The following SPRY3 variants were observed in gnomAD, a reference collection of about 807,000 sequenced individuals.
The protein encoded by SPRY3 is protein sprouty homolog 3.
A neutral mutation model predicts 20.2 loss-of-function variants in SPRY3; 15 were observed. The ratio of observed to expected loss-of-function variants is 0.74; its 90% CI spans 0.50 to 1.14. The LOEUF is 1.14. SPRY3 is among the 50% of genes most tolerant of loss of function. The probability of loss-of-function intolerance (pLI) is 0.00; values close to 1 mark genes in which losing one functional copy is unlikely to be tolerated. For missense variants in SPRY3, 364 were observed against 363.9 expected, an observed-to-expected ratio of 1.00 and a Z score of 0.00; for synonymous variants, 143 against 136.5, an observed-to-expected ratio of 1.05 and a Z score of -0.33.
chrX:155,778,225 G>A (rs1486808807), downstream of SPRY3: 3 of 167,064 alleles, frequency 1.8e-5, no homozygotes, highest in Non-Finnish European at 2.9e-5. Flanking sequence ...CCATTCTGGA[G>A]TAACAAGCCT....
intron 2 of SPRY3, among the ~76,000 whole-genome samples, chrX:155,723,405 T>C (rs1464795004): frequency 6.6e-6 from 1 of 152,198 alleles, no homozygotes; most frequent in Admixed American, 6.5e-5. Context: ...ACCAACAGTA[T>C]AAAAGCATTC....
chrX:155,691,663 G>A (rs2068102118), intron 2 of SPRY3, among the ~76,000 whole-genome samples: 1 of 87,438 alleles, frequency 1.1e-5, no homozygotes, highest in Admixed American at 1.2e-4. Flanking sequence ...AACTATTATG[G>A]ATATTAGTTG....
At chrX:155,707,776 C>T (rs2090961565) in intron 2 of SPRY3, among the ~76,000 whole-genome samples, 1 of 150,948 alleles carries the variant, frequency 6.6e-6, no homozygotes, top group African/African-American at 2.4e-5. Flanking sequence ...TGTATTTTTC[C>T]ATCCTTTTAC....
chrX:155,663,769 G>C (rs1324479848), intron 2 of SPRY3, among the ~76,000 whole-genome samples: 1 of 110,620 alleles, frequency 9.0e-6, no homozygotes, highest in African/African-American at 3.3e-5. Flanking sequence ...GAGATTCTGA[G>C]GTATGCTAAA....
chrX:155,740,991 A>G (rs775101462), intron 2 of SPRY3, among the ~76,000 whole-genome samples: 31 of 152,252 alleles, frequency 2.0e-4, no homozygotes, highest in Non-Finnish European at 4.1e-4. Flanking sequence ...CACTTATGGA[A>G]AATAGAAAGA....
At chrX:155,768,472 A>C (rs2091360236) in intron 3 of SPRY3, among the ~76,000 whole-genome samples, 1 of 152,086 alleles carries the variant, frequency 6.6e-6, no homozygotes. Context: ...AACGCAGCCT[A>C]ACCACCCAAG....
At chrX:155,748,028 C>T (rs2091237726) in intron 2 of SPRY3, among the ~76,000 whole-genome samples, 1 of 151,872 alleles carries the variant, frequency 6.6e-6, no homozygotes. Flanking sequence ...TGGTAACAAA[C>T]AGTTTTGGAA....
At chrX:155,724,880 C>T (rs1390816287) in intron 2 of SPRY3, among the ~76,000 whole-genome samples, 4 of 152,144 alleles carry the variant, frequency 2.6e-5, no homozygotes, top group African/African-American at 4.8e-5. Context: ...TGAGAGAGGG[C>T]GTCCTTGTCT....
chrX:155,753,787 C>T (rs988774883), intron 2 of SPRY3, among the ~76,000 whole-genome samples: 1 of 151,956 alleles, frequency 6.6e-6, no homozygotes, highest in African/African-American at 2.4e-5. Context: ...TTTGGCCATT[C>T]TAGTGGGTAT....
intron 3 of SPRY3, among the ~76,000 whole-genome samples, chrX:155,770,919 G>T (rs1478214167): frequency 1.3e-5 from 2 of 152,010 alleles, no homozygotes; most frequent in Non-Finnish European, 2.9e-5. Flanking sequence ...ACAATTTATT[G>T]TCATTCAATC....
chrX:155,741,919 A>G (rs1414202270), intron 2 of SPRY3, among the ~76,000 whole-genome samples: 1 of 152,198 alleles, frequency 6.6e-6, no homozygotes, highest in Non-Finnish European at 1.5e-5. Context: ...CAGTGACACT[A>G]TGAAGCAACT....
intron 2 of SPRY3, among the ~76,000 whole-genome samples, chrX:155,660,785 C>CT (rs111299450): frequency 0.053 from 5,309 of 99,967 alleles, 331 homozygotes; most frequent in African/African-American, 0.18. Context: ...CCTTCTTTGT[C>CT]TTTTTTTTTT....
intron 2 of SPRY3, among the ~76,000 whole-genome samples, chrX:155,706,094 A>G (rs756550646): frequency 6.6e-6 from 1 of 151,292 alleles, no homozygotes; most frequent in Admixed American, 6.6e-5. Flanking sequence ...ATATTCACCA[A>G]TGTAGACCAT....
intron 2 of SPRY3, among the ~76,000 whole-genome samples, chrX:155,695,666 T>C (rs1440519114): frequency 9.0e-6 from 1 of 111,204 alleles, no homozygotes; most frequent in African/African-American, 3.3e-5. Context: ...TTTTTCCTTC[T>C]CATTTTCAGG....
chrX:155,776,572 T>A (rs1178565593), exon 4 of SPRY3: 1 of 167,098 alleles, frequency 6.0e-6, no homozygotes, highest in Non-Finnish European at 1.5e-5. Context: ...TTTCCCTCTA[T>A]AAGTGAATCC....
intron 1 of SPRY3, among the ~76,000 whole-genome samples, chrX:155,644,987 C>A (rs2067953205): frequency 9.1e-6 from 1 of 110,381 alleles, no homozygotes. Flanking sequence ...TCACCCAATG[C>A]CCATATACTA....
At chrX:155,636,333 G>A (rs1274092727) in intron 1 of SPRY3, among the ~76,000 whole-genome samples, 3 of 111,929 alleles carry the variant, frequency 2.7e-5, no homozygotes, top group African/African-American at 9.8e-5. Flanking sequence ...GTATTTCTAT[G>A]CTGAATAGTG....
chrX:155,706,219 A>G (rs1329839942), intron 2 of SPRY3, among the ~76,000 whole-genome samples: 1 of 151,218 alleles, frequency 6.6e-6, no homozygotes, highest in Non-Finnish European at 1.5e-5. Context: ...ATCTGGAAAA[A>G]TTCCCAACTT....
intron 2 of SPRY3, among the ~76,000 whole-genome samples, chrX:155,692,793 C>T (rs968039898): frequency 1.8e-5 from 2 of 111,421 alleles, no homozygotes; most frequent in Non-Finnish European, 3.8e-5. Flanking sequence ...ATTTGTTCAT[C>T]TAAATTGTCA....
Sources: gnomAD v4.1 joint callset for allele counts (sites outside exome capture counted in the v4.1 genomes callset) on GRCh38, gnomAD v4.1.1 for gene constraint, MANE v1.5 for transcripts, NCBI Gene and HGNC (gene_info 2026-07-23, HGNC 2026-07-21) for gene names.